Variants in PCM1 observed in about 807,000 individuals in gnomAD.
The protein encoded by PCM1 is pericentriolar material 1, also known as pericentriolar material 1 protein.
In PCM1, 157 loss-of-function variants were observed where a neutral mutation model predicts 241.9. The observed-to-expected ratio is 0.65, with a 90% CI of 0.57 to 0.74. PCM1 has a LOEUF of 0.74. Among genes scored for constraint, PCM1 ranks in the 30% least tolerant of loss-of-function variants. The pLI, the probability that PCM1 is intolerant of heterozygous loss-of-function variation, is 0.00. For missense variants in PCM1, 3,478 were observed against 2,360.1 expected, an observed-to-expected ratio of 1.47 and a Z score of -9.81; for synonymous variants, 1,085 against 784.9, an observed-to-expected ratio of 1.38 and a Z score of -6.39.
At chr8:17,990,638 G>A (rs2084298475) in intron 27 of PCM1, among the ~76,000 whole-genome samples, 3 of 152,088 alleles carry the variant, frequency 2.0e-5, no homozygotes, top group Non-Finnish European at 2.9e-5. Flanking sequence ...TTTCTAGACT[G>A]TGGCCAATCA....
At position 17,960,149 on chromosome 8, in the gene PCM1, G is replaced by A; in HGVS notation, c.2176G>A (p.Val726Ile). Residue 726 changes from valine to isoleucine, a missense_variant, in exon 14 of 39, where the codon GTA (valine) becomes ATA (isoleucine). By Grantham distance (29) the Val-to-Ile change is conservative. Coordinates refer to ENST00000325083, the MANE Select transcript of PCM1 (RefSeq NM_006197.4). Reference protein sequence around the residue: ...NANKTQKDTGVNEKAREKFYE... With the variant: ...NANKTQKDTGINEKAREKFYE... ...CAATAAAACACAGAAAGATACTGGA[G>A]TAAATGAAAAGGCAAGGTATGTTAA... 1.9e-6 allele frequency: 3 copies of A among 1,575,652 alleles called. No homozygotes were observed. Among genetic ancestry groups the A allele is most frequent in the Non-Finnish European group, 2.6e-6 (3 of 1,160,942 alleles).
chr8:17,925,492 A>T (rs1393852199), intron 2 of PCM1: 1 of 152,186 alleles, frequency 6.6e-6, no homozygotes, highest in Non-Finnish European at 1.5e-5. Context: ...GAAATAAATA[A>T]CCTAAATTTA....
intron 18 of PCM1, among the ~76,000 whole-genome samples, 183 bp downstream of exon 18, chr8:17,964,951 C>T (rs1420408760): frequency 6.6e-6 from 1 of 152,098 alleles, no homozygotes; most frequent in African/African-American, 2.4e-5. Context: ...AGTAAGACTG[C>T]CCTCACCTCA....
At chr8:18,010,807 C>G (rs772777218) in intron 32 of PCM1, 139 bp downstream of exon 32, 2 of 586,576 alleles carry the variant, frequency 3.4e-6, no homozygotes, top group Non-Finnish European at 5.9e-6. Context: ...ATGGTGAAAC[C>G]CCGTCCATAC....
At chr8:18,010,504 G>A (rs1163071075) in intron 31 of PCM1, 105 bp from the exon 32 acceptor site, 5 of 764,466 alleles carry the variant, frequency 6.5e-6, no homozygotes, top group Non-Finnish European at 8.6e-6. Flanking sequence ...TACAGGCCAG[G>A]CTTAGGTCTA....
intron 12 of PCM1, 37 bp downstream of exon 12, chr8:17,957,458 T>C: frequency 6.2e-7 from 1 of 1,608,740 alleles, no homozygotes; most frequent in Non-Finnish European, 8.5e-7. Flanking sequence ...TTTTGCTGTG[T>C]TATTCTTACA....
rs780721662 is a variant in PCM1, at chr8:17,950,651, G to A, written c.998G>A (p.Ser333Asn). 5.6e-6 allele frequency: 9 copies of A among 1,605,740 alleles called. No individual in the cohort carries two copies. In the Admixed American group the frequency reaches 1.5e-4, roughly 27 times the overall value. The change falls in exon 8 of 39, where the codon AGT becomes AAT. Residue 333 changes from serine to asparagine, a missense_variant. Ser to Asn is a conservative substitution (Grantham distance 46). Coordinates refer to ENST00000325083, the MANE Select transcript of PCM1 (RefSeq NM_006197.4). Reference protein sequence around the residue: ...AETAGSLSGVSITSELNEELN... With the variant: ...AETAGSLSGVNITSELNEELN... ...ACTGCAGGTAGCTTATCTGGCGTCA[G>A]TATCACATCTGAACTAAATGAAGAA...
At chr8:17,932,932 G>C (rs1309697944) in intron 2 of PCM1, among the ~76,000 whole-genome samples, 1 of 152,082 alleles carries the variant, frequency 6.6e-6, no homozygotes, top group South Asian at 2.1e-4. Flanking sequence ...CTTTTTTTCT[G>C]TGTGTCTGGG....
chr8:17,964,795 C>T (rs1383670974), intron 18 of PCM1, 27 bp downstream of exon 18: 45 of 1,571,608 alleles, frequency 2.9e-5, no homozygotes, highest in Non-Finnish European at 3.9e-5. Context: ...TAATTTTGTG[C>T]TTAATTTAAG....
In PCM1 at chr8:17,929,422, A is replaced by G. The variant is rs1041903203; in HGVS notation, c.-23+4642A>G. On this transcript the variant is annotated intron_variant, in intron 2 of 38. Coordinates refer to ENST00000325083, the MANE Select transcript of PCM1 (RefSeq NM_006197.4). ...GTCCTCTGTCCCACTTTTTGAGTGG[A>G]TGACTCTCCAGCCCAGATTTCTCTG... Among the ~76,000 whole-genome samples, 8 of 152,198 alleles carry G rather than the reference A, an allele frequency of 5.3e-5. No homozygotes were observed. In the South Asian group the frequency reaches 1.0e-3, roughly 20 times the overall value.
At chr8:17,974,667 C>G (rs188300619) in intron 23 of PCM1, among the ~76,000 whole-genome samples, 4 of 152,234 alleles carry the variant, frequency 2.6e-5, no homozygotes, top group Admixed American at 2.6e-4. Flanking sequence ...TCTGAAACCC[C>G]TTTATTCTCG....
chr8:17,991,639 C>T lies in PCM1; in HGVS notation c.4629C>T (p.Thr1543=), dbSNP rs150845188. 1.3e-6 allele frequency: 2 copies of T among 1,571,342 alleles called. No individual in the cohort carries two copies. The highest frequency in any genetic ancestry group is 1.7e-6 in the Non-Finnish European group (2 of 1,157,280). ...EAESNSNMRC[T]CRIIEDGDGA... is the part of the protein sequence containing the mutation. The stretch of plus-strand genomic sequence containing the variant: ...AAAGTAACTCAAATATGAGATGCAC[C>T]TGCAGGATTATTGAGGATGGAGATG... Residue 1543 remains threonine (T), a synonymous_variant, in exon 28 of 39, where the codon ACC becomes ACT. Transcript: ENST00000325083.
chr8:18,018,881 C>T (rs200462335), intron 36 of PCM1, among the ~76,000 whole-genome samples: 11,091 of 40,070 alleles, frequency 0.28, 843 homozygotes, highest in Middle Eastern at 0.4. Flanking sequence ...TATATATATA[C>T]ACACACATAT....
intron 36 of PCM1, among the ~76,000 whole-genome samples, chr8:18,020,549 A>C (rs1048175823): frequency 6.6e-6 from 1 of 152,218 alleles, no homozygotes; most frequent in South Asian, 2.1e-4. Context: ...GTGTGGTATC[A>C]TAACTATTGA....
chr8:18,009,619 GTGT>G lies in PCM1; in HGVS notation c.5040_5042del (p.Leu1680del). ...AGATCTTCTTGTAGAGATATCTGAA[GTGT>G]TGTTCAATGAATTGGCTTTCTTTAA... is the stretch of plus-strand genomic sequence containing the variant. On this transcript the variant is annotated inframe_deletion, in exon 31 of 39. Coordinates refer to ENST00000325083, the MANE Select transcript of PCM1 (RefSeq NM_006197.4). 1.3e-6 allele frequency: 2 copies of G among 1,597,728 alleles called. No individual in the cohort carries two copies. Among genetic ancestry groups the G allele is most frequent in the Non-Finnish European group, 1.7e-6 (2 of 1,171,852 alleles).
intron 7 of PCM1, among the ~76,000 whole-genome samples, chr8:17,948,839 A>C (rs1436838230): frequency 2.0e-5 from 3 of 152,222 alleles, no homozygotes; most frequent in African/African-American, 7.2e-5. Flanking sequence ...TATCAGATTT[A>C]AAAGCTTTCC....
intron 6 of PCM1, among the ~76,000 whole-genome samples, chr8:17,944,293 C>T (rs2063107063): frequency 6.6e-6 from 1 of 152,116 alleles, no homozygotes; most frequent in South Asian, 2.1e-4. Flanking sequence ...AGACTAGAGC[C>T]TAAGAACCTG....
Position 18,028,271 on chromosome 8 carries a change from A to T in PCM1, c.*609A>T. On this transcript the variant is annotated 3_prime_UTR_variant, in exon 39 of 39. Transcript: ENST00000325083. Reference sequence around the variant, plus strand: ...ATTTATTAATCCATTGAAATTGGATAATAAGTTTAGAACATAGGTTCTCAG... The same window carrying T: ...ATTTATTAATCCATTGAAATTGGATTATAAGTTTAGAACATAGGTTCTCAG... 5.4e-6 allele frequency: 1 copy of T among 186,808 alleles called. No homozygotes were observed. Among genetic ancestry groups the T allele is most frequent in the East Asian group, 8.7e-5 (1 of 11,478 alleles). 11.6% of individuals were successfully genotyped at this position (186,808 alleles called of 1,614,324 possible).
chr8:17,931,357 C>G (rs1325526366), intron 2 of PCM1, among the ~76,000 whole-genome samples: 5 of 151,652 alleles, frequency 3.3e-5, no homozygotes, highest in Non-Finnish European at 2.9e-5. Flanking sequence ...GGCGTGATCT[C>G]AGCACACTGC....
Sources: gnomAD v4.1 joint callset for allele counts (sites outside exome capture counted in the v4.1 genomes callset) on GRCh38, gnomAD v4.1.1 for gene constraint, MANE v1.5 for transcripts, NCBI Gene and HGNC (gene_info 2026-07-23, HGNC 2026-07-21) for gene names.